Variants in PRKACB observed in about 807,000 individuals in gnomAD.
The protein encoded by PRKACB is cAMP-dependent protein kinase catalytic subunit beta.
In PRKACB, 16 loss-of-function variants were observed where a neutral mutation model predicts 51.4. The observed-to-expected ratio is 0.31, with a 90% CI of 0.21 to 0.47. The LOEUF (loss-of-function observed/expected upper bound fraction) is 0.47, where lower values mean the gene tolerates loss of function less well. Among genes scored for constraint, PRKACB ranks in the 20% least tolerant of loss-of-function variants. The pLI is 1.00. For missense variants in PRKACB, 309 were observed against 464.5 expected, an observed-to-expected ratio of 0.67 and a Z score of 3.08; for synonymous variants, 147 against 154.4, an observed-to-expected ratio of 0.95 and a Z score of 0.35.
At chr1:84,096,175 C>A (rs986145645) in intron 1 of PRKACB, among the ~76,000 whole-genome samples, 1 of 152,014 alleles carries the variant, frequency 6.6e-6, no homozygotes, top group Admixed American at 6.6e-5. Flanking sequence ...TTACTCCTAT[C>A]GATGGAGCCT....
intron 1 of PRKACB, among the ~76,000 whole-genome samples, chr1:84,177,876 T>C (rs1661866955): frequency 6.6e-6 from 1 of 152,120 alleles, no homozygotes; most frequent in Non-Finnish European, 1.5e-5. Context: ...GAGATTTTCC[T>C]ACAATGGGAA....
intron 2 of PRKACB, among the ~76,000 whole-genome samples, chr1:84,180,841 A>G (rs1253900336): frequency 6.6e-6 from 1 of 152,020 alleles, no homozygotes; most frequent in East Asian, 1.9e-4. Flanking sequence ...TTATAATACA[A>G]AGAAAAGCAA....
At chr1:84,231,924 G>A (rs1381928869) in intron 9 of PRKACB, among the ~76,000 whole-genome samples, 5 of 150,020 alleles carry the variant, frequency 3.3e-5, no homozygotes, top group African/African-American at 7.3e-5. Flanking sequence ...ATTTCCTTCA[G>A]TTCTGCTCTG....
intron 8 of PRKACB, among the ~76,000 whole-genome samples, chr1:84,206,683 C>T (rs890940332): frequency 7.2e-5 from 11 of 152,146 alleles, no homozygotes; most frequent in Middle Eastern, 3.2e-3. Flanking sequence ...CTAGCACATG[C>T]CAAAATCCCA....
At chr1:84,233,138 G>T (rs1313349792) in intron 9 of PRKACB, among the ~76,000 whole-genome samples, 1 of 151,866 alleles carries the variant, frequency 6.6e-6, no homozygotes, top group Non-Finnish European at 1.5e-5. Context: ...ACATTTGCTT[G>T]TCTGTAAAGT....
At chr1:84,100,249 A>G (rs936044328) in intron 1 of PRKACB, among the ~76,000 whole-genome samples, 1 of 151,008 alleles carries the variant, frequency 6.6e-6, no homozygotes, top group Admixed American at 6.6e-5. Context: ...TGAGAACAGC[A>G]TGGGGAAAAC....
chr1:84,078,424 C>T (rs1647258026), intron 1 of PRKACB: 5 of 1,589,314 alleles, frequency 3.1e-6, no homozygotes, highest in Non-Finnish European at 4.3e-6. Context: ...CGCGGGGCAC[C>T]GAGCGCCCTC....
chr1:84,121,457 A>T (rs1651067433), intron 1 of PRKACB, among the ~76,000 whole-genome samples: 2 of 152,040 alleles, frequency 1.3e-5, no homozygotes, highest in African/African-American at 4.8e-5. Flanking sequence ...TTAATTGAAA[A>T]ATCCCCAAAC....
chr1:84,088,065 A>G lies in PRKACB; in HGVS notation c.46+9694A>G, dbSNP rs533750183. 3.3e-5 allele frequency among the ~76,000 whole-genome samples: 5 copies of G among 152,310 alleles called. No homozygotes were observed. The East Asian group carries it at 7.7e-4, about 24-fold the overall frequency. ...TTAGATTCAGTAATGCTATGTATCT[A>G]TGCAGAAAATTTTCCGAATCAAATT... is the stretch of plus-strand genomic sequence containing the variant. On this transcript the variant is annotated intron_variant, in intron 1 of 8. Coordinates refer to the PRKACB transcript ENST00000370688.
chr1:84,094,170 G>C (rs1224250096), intron 1 of PRKACB, among the ~76,000 whole-genome samples: 1 of 151,760 alleles, frequency 6.6e-6, no homozygotes. Flanking sequence ...TCATATTCCT[G>C]GTGTCACTGG....
At chr1:84,139,679 A>G (rs545626215), upstream of PRKACB, among the ~76,000 whole-genome samples, 50 of 152,346 alleles carry the variant, frequency 3.3e-4, no homozygotes, top group African/African-American at 5.5e-4. Flanking sequence ...AATCCCAGCA[A>G]GATTATATTT....
chr1:84,222,090 T>C (rs910025882), intron 9 of PRKACB, among the ~76,000 whole-genome samples: 13 of 152,178 alleles, frequency 8.5e-5, no homozygotes, highest in Admixed American at 8.5e-4. Flanking sequence ...ATATTTGCTT[T>C]CTATATCTGT....
At chr1:84,206,825 G>T (rs1671411965) in intron 8 of PRKACB, among the ~76,000 whole-genome samples, 1 of 152,164 alleles carries the variant, frequency 6.6e-6, no homozygotes, top group Non-Finnish European at 1.5e-5. Context: ...TATTCAAGTT[G>T]CCAGACATCT....
At chr1:84,082,793 T>C (rs768858215) in intron 1 of PRKACB, among the ~76,000 whole-genome samples, 38 of 152,174 alleles carry the variant, frequency 2.5e-4, no homozygotes, top group Non-Finnish European at 4.7e-4. Flanking sequence ...GTGTTTGGTA[T>C]ATTGGACAAC....
chr1:84,213,808 A>G lies in PRKACB; in HGVS notation c.907-345A>G, dbSNP rs760613683. On this transcript the variant is annotated intron_variant, in intron 8 of 9. Coordinates refer to ENST00000370685, the MANE Select transcript of PRKACB (RefSeq NM_182948.4). ...TGTATCTTTGAGACACAGGTTTGTAATGTATGATCCAAAGAGATTGCTCTT... is the reference window on the plus strand; with the variant it reads ...TGTATCTTTGAGACACAGGTTTGTAGTGTATGATCCAAAGAGATTGCTCTT... Among the ~76,000 whole-genome samples the G allele has an allele frequency of 4.9e-4, 75 of 152,112 alleles. 1 individual carries two copies. Among genetic ancestry groups the G allele is most frequent in the Non-Finnish European group, 1.6e-4 (11 of 68,022 alleles).
At chr1:84,187,279 A>G (rs1437653391) in intron 5 of PRKACB, among the ~76,000 whole-genome samples, 2 of 152,064 alleles carry the variant, frequency 1.3e-5, no homozygotes, top group Non-Finnish European at 2.9e-5. Context: ...GGCTTTGTCA[A>G]TGGCTTTAGC....
chr1:84,197,698 T>C, intron 6 of PRKACB, 31 bp from the exon 7 acceptor site: 1 of 1,441,398 alleles, frequency 6.9e-7, no homozygotes, highest in African/African-American at 1.4e-5. Context: ...AGGTAATACA[T>C]TTTCACTAGT....
chr1:84,108,114 A>G (rs971863272), intron 1 of PRKACB, among the ~76,000 whole-genome samples: 2 of 152,022 alleles, frequency 1.3e-5, no homozygotes, highest in Non-Finnish European at 2.9e-5. Context: ...AAGAAAATGT[A>G]CATATACACC....
At chr1:84,173,335 A>T in intron 1 of PRKACB, 5 of 1,574,752 alleles carry the variant, frequency 3.2e-6, no homozygotes, top group Non-Finnish European at 4.3e-6. Context: ...CAAGCACGCA[A>T]ATCATCAGAT....
Sources: allele counts gnomAD v4.1 joint callset (sites outside exome capture counted in the v4.1 genomes callset), GRCh38; gene constraint gnomAD v4.1.1; transcripts MANE v1.5; gene names NCBI Gene and HGNC (gene_info 2026-07-23, HGNC 2026-07-21).